SLC1A2: variants seen among roughly 807,000 people sequenced by gnomAD.
SLC1A2 encodes solute carrier family 1 member 2, also known as excitatory amino acid transporter 2.
Under a neutral mutation model 48.8 loss-of-function variants are expected in SLC1A2, and 15 were observed. That is an observed-to-expected ratio of 0.31 (90% CI 0.21 to 0.47). SLC1A2 has a LOEUF of 0.47. Ranked by LOEUF, SLC1A2 falls within the 20% of genes least tolerant of loss-of-function variation. SLC1A2 has a pLI of 0.99. For synonymous variants in SLC1A2, 279 were observed against 272.6 expected (o/e 1.02, Z -0.23); for missense variants, 502 against 730.5 (o/e 0.69, Z 3.61).
intron 7 of SLC1A2, among the ~76,000 whole-genome samples, chr11:35,290,598 T>A (rs10488817): frequency 0.26 from 39,096 of 151,502 alleles, 5,186 homozygotes; most frequent in Admixed American, 0.3. Flanking sequence ...CTTTTTCACA[T>A]TGAGCCTGCA....
At position 35,346,548 on chromosome 11, in the gene SLC1A2, G is replaced by T. The variant is rs149302456; in HGVS notation, c.18-29032C>A. ...GCATTCGATCTAATGGCAGAGACAT[G>T]ACCTATAAACAAGAGTAACTAATGA... On this transcript the variant is annotated intron_variant, in intron 1 of 10. Coordinates refer to ENST00000278379, the MANE Select transcript of SLC1A2 (RefSeq NM_004171.4). 3.6e-3 allele frequency among the ~76,000 whole-genome samples: 551 copies of T among 152,352 alleles called. 1 individual carries two copies. Among genetic ancestry groups the T allele is most frequent in the African/African-American group, 0.013 (521 of 41,598 alleles).
Position 35,333,589 on chromosome 11 carries a change from C to T in SLC1A2, c.18-16073G>A, listed in dbSNP as rs576074716. ...GCAGTAACTTTAACAATGTTAATGA[C>T]GAAGAGTTGGAAATTTATTCTAAAA... On this transcript the variant is annotated intron_variant, in intron 1 of 10. Transcript: ENST00000278379. Among the ~76,000 whole-genome samples the T allele has an allele frequency of 1.1e-4, 17 of 152,130 alleles. No homozygotes were observed. In the East Asian group the frequency reaches 1.5e-3, roughly 14 times the overall value.
At chr11:35,278,797 T>G (rs2134675316) in intron 9 of SLC1A2, among the ~76,000 whole-genome samples, 1 of 152,064 alleles carries the variant, frequency 6.6e-6, no homozygotes, top group East Asian at 2.0e-4. Flanking sequence ...GGTGGGCCGA[T>G]CACTTGAGGT....
intron 1 of SLC1A2, among the ~76,000 whole-genome samples, chr11:35,346,859 A>G (rs1853056416): frequency 6.6e-6 from 1 of 152,216 alleles, no homozygotes; most frequent in South Asian, 2.1e-4. Flanking sequence ...AGGACTCCCC[A>G]TGGGTACCCC....
At chr11:35,385,450 G>A (rs1294766678) in intron 1 of SLC1A2, among the ~76,000 whole-genome samples, 1 of 152,188 alleles carries the variant, frequency 6.6e-6, no homozygotes, top group Non-Finnish European at 1.5e-5. Context: ...TATTTCTAAA[G>A]CCTACAGGTT....
At chr11:35,337,113 G>C (rs944420140) in intron 1 of SLC1A2, among the ~76,000 whole-genome samples, 1 of 152,150 alleles carries the variant, frequency 6.6e-6, no homozygotes, top group Non-Finnish European at 1.5e-5. Context: ...CTGCAGAGCT[G>C]CTGGTTAACC....
At chr11:35,293,855 C>T (rs1367391700) in intron 6 of SLC1A2, among the ~76,000 whole-genome samples, 4 of 152,142 alleles carry the variant, frequency 2.6e-5, no homozygotes, top group Admixed American at 1.3e-4. Flanking sequence ...ACATGGAGCT[C>T]GTCTCACCAC....
chr11:35,402,637 AG>A (rs2135275538), intron 1 of SLC1A2, among the ~76,000 whole-genome samples: 1 of 152,334 alleles, frequency 6.6e-6, no homozygotes, highest in East Asian at 1.9e-4. Flanking sequence ...CCTGTCAGTC[AG>A]AAGTACCAGA....
chr11:35,384,487 T>C (rs1854526238), intron 1 of SLC1A2, among the ~76,000 whole-genome samples: 3 of 152,228 alleles, frequency 2.0e-5, no homozygotes, highest in Admixed American at 2.0e-4. Flanking sequence ...AGAGGCCATC[T>C]GCAAAGCATA....
chr11:35,409,679 C>T (rs1034815648), intron 1 of SLC1A2, among the ~76,000 whole-genome samples: 1 of 152,028 alleles, frequency 6.6e-6, no homozygotes, highest in East Asian at 1.9e-4. Context: ...GAGGCCTAGG[C>T]GGATGGATTA....
chr11:35,398,001 A>T (rs1190545106), intron 1 of SLC1A2, among the ~76,000 whole-genome samples: 3 of 152,208 alleles, frequency 2.0e-5, no homozygotes, highest in Non-Finnish European at 2.9e-5. Flanking sequence ...GATATGACAG[A>T]AGGATTGCTG....
chr11:35,402,786 G>A (rs911060607), intron 1 of SLC1A2, among the ~76,000 whole-genome samples: 1 of 152,190 alleles, frequency 6.6e-6, no homozygotes, highest in African/African-American at 2.4e-5. Context: ...CTGGTGTCGG[G>A]AAAGACACCA....
intron 1 of SLC1A2, among the ~76,000 whole-genome samples, chr11:35,363,873 C>A (rs920301103): frequency 1.1e-4 from 17 of 152,148 alleles, no homozygotes; most frequent in African/African-American, 4.1e-4. Context: ...CAAGCATCTA[C>A]AAAGGACCAG....
intron 4 of SLC1A2, among the ~76,000 whole-genome samples, chr11:35,311,975 T>A (rs987503052): frequency 8.2e-6 from 1 of 122,090 alleles, no homozygotes; most frequent in Admixed American, 1.1e-4. Flanking sequence ...CAAAAATATA[T>A]TAAGTGAGCT....
intron 1 of SLC1A2, among the ~76,000 whole-genome samples, chr11:35,321,736 G>A (rs1338870844): frequency 6.6e-6 from 1 of 152,176 alleles, no homozygotes. Context: ...TGCTCCCATG[G>A]CAATGAGCAG....
intron 1 of SLC1A2, among the ~76,000 whole-genome samples, chr11:35,366,195 T>C (rs188213288): frequency 6.6e-6 from 1 of 152,308 alleles, no homozygotes; most frequent in East Asian, 1.9e-4. Context: ...AGGATTACAC[T>C]TCTCTATCCC....
At chr11:35,330,832 G>A (rs140500390) in intron 1 of SLC1A2, among the ~76,000 whole-genome samples, 330 of 152,332 alleles carry the variant, frequency 2.2e-3, no homozygotes, top group African/African-American at 7.5e-3. Context: ...CGAGCCTCCA[G>A]AAAAGAATGC....
At chr11:35,373,544 G>A (rs540168206) in intron 1 of SLC1A2, among the ~76,000 whole-genome samples, 2 of 152,300 alleles carry the variant, frequency 1.3e-5, no homozygotes, top group South Asian at 4.1e-4. Context: ...AACAAAGGTT[G>A]AGGTACAAGG....
intron 7 of SLC1A2, 37 bp downstream of exon 7, chr11:35,292,250 G>A (rs371447783): frequency 5.5e-6 from 8 of 1,466,142 alleles, no homozygotes; most frequent in Middle Eastern, 4.1e-4. Flanking sequence ...GGGCAAAAGA[G>A]TGAGCAAAGA....
Sources: allele counts gnomAD v4.1 joint callset (sites outside exome capture counted in the v4.1 genomes callset), GRCh38; gene constraint gnomAD v4.1.1; transcripts MANE v1.5; gene names NCBI Gene and HGNC (gene_info 2026-07-23, HGNC 2026-07-21).